The following CCDC3 variants were observed in gnomAD, a reference collection of about 807,000 sequenced individuals.
CCDC3 encodes the protein coiled-coil domain containing 3.
CCDC3 carries 24 observed loss-of-function variants against 21.4 expected under a neutral mutation model. The ratio of observed to expected loss-of-function variants is 1.12; its 90% confidence interval spans 0.81 to 1.58. The LOEUF (loss-of-function observed/expected upper bound fraction) is 1.58. Among genes scored for constraint, CCDC3 ranks in the 40% most tolerant of loss-of-function variants. CCDC3 has a pLI of 0.00. For missense variants in CCDC3, 425 were observed against 360.9 expected (o/e 1.18, Z -1.44); for synonymous variants, 186 against 166.0 (o/e 1.12, Z -0.93).
At chr10:13,053,530 T>A (rs1457302774) in intron 4 of CCDC3, among the ~76,000 whole-genome samples, 2 of 152,184 alleles carry the variant, frequency 1.3e-5, no homozygotes, top group Non-Finnish European at 2.9e-5. Flanking sequence ...CACTCCAACC[T>A]GGGCAACAGA....
chr10:13,059,029 G>A (rs1282576324), intron 4 of CCDC3, among the ~76,000 whole-genome samples: 1 of 152,202 alleles, frequency 6.6e-6, no homozygotes, highest in Non-Finnish European at 1.5e-5. Flanking sequence ...CTGATGGAAG[G>A]ACAGATGAGA....
chr10:13,080,344 C>T (rs1837022484), intron 3 of CCDC3, among the ~76,000 whole-genome samples: 1 of 152,090 alleles, frequency 6.6e-6, no homozygotes, highest in Admixed American at 6.5e-5. Context: ...AAAGTTAAAG[C>T]ATGTCAAAGA....
At chr10:12,962,822 A>C (rs2131258290) in intron 2 of CCDC3, among the ~76,000 whole-genome samples, 1 of 152,344 alleles carries the variant, frequency 6.6e-6, no homozygotes, top group African/African-American at 2.4e-5. Context: ...GTAATGCATC[A>C]AACATAGATC....
At chr10:12,988,353 CT>C (rs34835574) in intron 2 of CCDC3, among the ~76,000 whole-genome samples, 7 of 149,270 alleles carry the variant, frequency 4.7e-5, no homozygotes, top group Admixed American at 6.7e-5. Context: ...TTCCTATTAC[CT>C]TTTTTTTTTG....
chr10:13,067,527 A>C (rs147436189), intron 4 of CCDC3, among the ~76,000 whole-genome samples: 1 of 152,114 alleles, frequency 6.6e-6, no homozygotes, highest in Non-Finnish European at 1.5e-5. Context: ...TGGGCTTTGC[A>C]TGACTTTCTG....
intron 4 of CCDC3, among the ~76,000 whole-genome samples, chr10:13,067,268 C>G (rs1836831156): frequency 6.6e-6 from 1 of 152,230 alleles, no homozygotes; most frequent in Non-Finnish European, 1.5e-5. Flanking sequence ...GTTTCTCTCC[C>G]TGTCGGAGGA....
Position 13,017,561 on chromosome 10 carries a change from C to CT in CCDC3, c.-1-19050dup, listed in dbSNP as rs774671849. The stretch of plus-strand genomic sequence containing the variant: ...AGAAAAGAAAAGAAAAAAGGAATGC[C>CT]TTTTTTTAAATTTCAAGTCCATCCA... On this transcript the variant is annotated intron_variant, in intron 5 of 6. Coordinates refer to the CCDC3 transcript ENST00000378839. 1.6e-3 allele frequency among the ~76,000 whole-genome samples: 237 copies of CT among 151,478 alleles called. 1 individual carries two copies. Among genetic ancestry groups the CT allele is most frequent in the Non-Finnish European group, 1.8e-3 (122 of 67,746 alleles).
At chr10:13,057,584 A>C (rs1435745364) in intron 4 of CCDC3, among the ~76,000 whole-genome samples, 1 of 152,080 alleles carries the variant, frequency 6.6e-6, no homozygotes, top group Non-Finnish European at 1.5e-5. Flanking sequence ...TCCTCATAGA[A>C]AATTGTTTGG....
intron 2 of CCDC3, among the ~76,000 whole-genome samples, chr10:12,986,397 G>A (rs1835590923): frequency 6.6e-6 from 1 of 152,072 alleles, no homozygotes; most frequent in South Asian, 2.1e-4. Flanking sequence ...AGGGGTGAGG[G>A]GTGCCTGGGA....
chr10:12,905,176 G>C (rs1479544497), intron 2 of CCDC3, among the ~76,000 whole-genome samples: 3 of 152,062 alleles, frequency 2.0e-5, no homozygotes, highest in African/African-American at 7.2e-5. Context: ...TGAGAAGGAA[G>C]AAAAAAGAAA....
At chr10:13,077,070 G>A (rs1449190936) in intron 3 of CCDC3, among the ~76,000 whole-genome samples, 2 of 152,190 alleles carry the variant, frequency 1.3e-5, no homozygotes, top group Non-Finnish European at 2.9e-5. Context: ...AAGTCAAATT[G>A]TCCCTATTTG....
chr10:13,062,219 C>T (rs918595912), intron 4 of CCDC3, among the ~76,000 whole-genome samples: 1 of 152,032 alleles, frequency 6.6e-6, no homozygotes, highest in African/African-American at 2.4e-5. Context: ...GAGCTTAGTC[C>T]TCAGTCTGAA....
chr10:13,044,821 G>GA (rs756647226), intron 5 of CCDC3, among the ~76,000 whole-genome samples: 2 of 151,920 alleles, frequency 1.3e-5, no homozygotes, highest in African/African-American at 2.4e-5. Flanking sequence ...CTAATTTTGT[G>GA]AAAAAAATGA....
intron 5 of CCDC3, among the ~76,000 whole-genome samples, chr10:13,042,958 A>G (rs1400993537): frequency 2.0e-5 from 3 of 151,928 alleles, no homozygotes; most frequent in African/African-American, 7.2e-5. Flanking sequence ...ATGGCTTCTC[A>G]CACCTATTTA....
chr10:13,083,057 T>C (rs146807085), intron 3 of CCDC3, among the ~76,000 whole-genome samples: 207 of 152,262 alleles, frequency 1.4e-3, no homozygotes, highest in Non-Finnish European at 2.2e-3. Context: ...TTTTACCTCA[T>C]TTCTCCAACG....
intron 2 of CCDC3, among the ~76,000 whole-genome samples, chr10:12,906,971 T>C (rs904411221): frequency 6.6e-6 from 1 of 152,212 alleles, no homozygotes; most frequent in Admixed American, 6.5e-5. Context: ...GACATTCTAC[T>C]TCTTCTCCAA....
chr10:12,973,791 A>G (rs1835376757), intron 2 of CCDC3, among the ~76,000 whole-genome samples: 1 of 152,190 alleles, frequency 6.6e-6, no homozygotes, highest in Admixed American at 6.5e-5. Context: ...AACCTGACCC[A>G]GGTTTTATAT....
intron 5 of CCDC3, among the ~76,000 whole-genome samples, chr10:13,007,478 C>T (rs540172080): frequency 1.3e-5 from 2 of 152,264 alleles, no homozygotes; most frequent in South Asian, 2.1e-4. Context: ...TTTGGTTCTG[C>T]CTGGAGTCTG....
intron 2 of CCDC3, among the ~76,000 whole-genome samples, chr10:12,921,799 TGG>T (rs1834455777): frequency 6.6e-6 from 1 of 152,196 alleles, no homozygotes. Flanking sequence ...TGGAGTGCAA[TGG>T]CCCAATCATG....
Sources: allele counts gnomAD v4.1 joint callset (sites outside exome capture counted in the v4.1 genomes callset), GRCh38; gene constraint gnomAD v4.1.1; transcripts MANE v1.5; gene names NCBI Gene and HGNC (gene_info 2026-07-23, HGNC 2026-07-21).